Variants in ASTN2 observed in about 807,000 individuals in gnomAD.
ASTN2 encodes the protein astrotactin-2.
In ASTN2, 54 loss-of-function variants were observed where a neutral mutation model predicts 139.8. The ratio of observed to expected loss-of-function variants is 0.39; its 90% confidence interval spans 0.31 to 0.48. The LOEUF (loss-of-function observed/expected upper bound fraction) is 0.48. ASTN2 is among the 20% of genes least tolerant of loss of function. The pLI, the probability that ASTN2 is intolerant of heterozygous loss-of-function variation, is 0.95. For synonymous variants in ASTN2, 756 were observed against 719.5 expected (o/e 1.05, Z -0.81); for missense variants, 1,565 against 1,725.1 (o/e 0.91, Z 1.64).
Position 116,480,435 on chromosome 9 carries a change from A to T in ASTN2, c.3497+6924T>A, listed in dbSNP as rs546877524. Reference sequence around the variant, plus strand: ...CCACATTGACTTGAAAATTTGTTCAAATAATTCGACAAAGATTTATTGGAT... The same window carrying T: ...CCACATTGACTTGAAAATTTGTTCATATAATTCGACAAAGATTTATTGGAT... On this transcript the variant is annotated intron_variant, in intron 20 of 22. Transcript: ENST00000313400. 4.6e-5 allele frequency among the ~76,000 whole-genome samples: 7 copies of T among 152,338 alleles called. No homozygotes were observed. In the East Asian group the frequency reaches 1.4e-3, roughly 29 times the overall value.
At position 117,285,733 on chromosome 9, in the gene ASTN2, C is replaced by T. The variant is rs114184641; in HGVS notation, c.630+5593G>A. ...AACTTCTTGATTCGGCCTACTCCAC[C>T]GATGGATAGCTCAGACACTTTGAAG... On this transcript the variant is annotated intron_variant, in intron 2 of 22. Transcript: ENST00000313400. 3.0e-3 allele frequency among the ~76,000 whole-genome samples: 451 copies of T among 152,304 alleles called. 1 individual carries two copies. The highest frequency in any genetic ancestry group is 0.01 in the African/African-American group (420 of 41,564).
rs113468592 is a variant in ASTN2 at position 116,843,511 on chromosome 9, T to C, written c.2040+20072A>G. On this transcript the variant is annotated intron_variant, in intron 11 of 22. Transcript: ENST00000313400. ...CATCTCTACTAAAAATACAACAAAT[T>C]AGCCAGGGGTGGTGGCGGGCACCTG... 2.5e-4 allele frequency among the ~76,000 whole-genome samples: 38 copies of C among 149,750 alleles called. 2 individuals carry two copies. The highest frequency in any genetic ancestry group is 9.3e-4 in the African/African-American group (38 of 41,036).
At chr9:117,348,552 C>T (rs1461365104) in intron 1 of ASTN2, among the ~76,000 whole-genome samples, 1 of 152,042 alleles carries the variant, frequency 6.6e-6, no homozygotes, top group Admixed American at 6.6e-5. Context: ...TAAAGTTGCT[C>T]GGAGCCTATT....
At chr9:116,479,963 C>A (rs1354970131) in intron 20 of ASTN2, among the ~76,000 whole-genome samples, 1 of 152,144 alleles carries the variant, frequency 6.6e-6, no homozygotes, top group Non-Finnish European at 1.5e-5. Flanking sequence ...AGTTACCTAA[C>A]CTCTCTGTGC....
chr9:116,628,036 A>C (rs563322771), intron 17 of ASTN2, among the ~76,000 whole-genome samples: 3 of 152,330 alleles, frequency 2.0e-5, no homozygotes, highest in Admixed American at 2.0e-4. Context: ...TATGCTTTGA[A>C]ATATAAAGCC....
intron 16 of ASTN2, among the ~76,000 whole-genome samples, chr9:116,686,033 C>A (rs983630183): frequency 1.3e-5 from 2 of 152,134 alleles, no homozygotes; most frequent in African/African-American, 4.8e-5. Context: ...TTTGGCATTA[C>A]CTCTCCCTTA....
chr9:117,388,908 C>T (rs1830472808), intron 1 of ASTN2, among the ~76,000 whole-genome samples: 1 of 152,212 alleles, frequency 6.6e-6, no homozygotes, highest in Non-Finnish European at 1.5e-5. Context: ...AGTCACTCCT[C>T]ATTGACCATA....
intron 16 of ASTN2, among the ~76,000 whole-genome samples, chr9:116,654,006 AAAG>A (rs1318892785): frequency 8.5e-5 from 13 of 152,250 alleles, no homozygotes; most frequent in Admixed American, 3.3e-4. Flanking sequence ...AGACCTTTCA[AAAG>A]AAGATGATGA....
At chr9:116,917,164 C>T (rs558873013) in intron 10 of ASTN2, among the ~76,000 whole-genome samples, 1 of 152,180 alleles carries the variant, frequency 6.6e-6, no homozygotes, top group East Asian at 1.9e-4. Context: ...TACTCCTGCT[C>T]ATCCTGTAGA....
Position 117,052,476 on chromosome 9 carries a change from A to G in ASTN2, c.1277-12511T>C, listed in dbSNP as rs551354166. 2.6e-5 allele frequency among the ~76,000 whole-genome samples: 4 copies of G among 152,152 alleles called. No homozygotes were observed. The South Asian group carries it at 8.3e-4, about 31-fold the overall frequency. ...AGAAAGAAAGATTAAATAATTAAAT[A>G]GCATGACATGCACTGCATAGCAGAA... On this transcript the variant is annotated intron_variant, in intron 5 of 22. Coordinates refer to ENST00000313400, the MANE Select transcript of ASTN2 (RefSeq NM_001365068.1).
chr9:117,024,692 G>A (rs563609878), intron 6 of ASTN2, among the ~76,000 whole-genome samples: 3 of 151,994 alleles, frequency 2.0e-5, no homozygotes, highest in South Asian at 2.1e-4. Context: ...TCCTACAAAC[G>A]GTCACACTTG....
intron 1 of ASTN2, among the ~76,000 whole-genome samples, chr9:117,340,979 G>A (rs942607773): frequency 6.6e-6 from 1 of 152,158 alleles, no homozygotes; most frequent in Non-Finnish European, 1.5e-5. Flanking sequence ...CTAGGAGGAG[G>A]CCCTGCTCTT....
At chr9:116,857,259 T>G (rs907786902) in intron 11 of ASTN2, among the ~76,000 whole-genome samples, 1 of 152,206 alleles carries the variant, frequency 6.6e-6, no homozygotes, top group Non-Finnish European at 1.5e-5. Context: ...TAGGCATTAA[T>G]TGCCATGAAC....
At chr9:117,363,316 A>G (rs1829744564) in intron 1 of ASTN2, among the ~76,000 whole-genome samples, 1 of 152,190 alleles carries the variant, frequency 6.6e-6, no homozygotes, top group South Asian at 2.1e-4. Flanking sequence ...ACAGAAAGAG[A>G]AATAAAACAA....
chr9:116,632,252 G>GAAAGAAAGAAGGAAAGAAAGAAA (rs1856833378), intron 17 of ASTN2, among the ~76,000 whole-genome samples: 2 of 70,928 alleles, frequency 2.8e-5, no homozygotes, highest in Admixed American at 1.4e-4. Context: ...AAAGAAAGAA[G>GAAAGAAAGAAGGAAAGAAAGAAA]GAAAGAAAGA....
At chr9:116,708,255 CAGT>C (rs1224728188) in intron 16 of ASTN2, among the ~76,000 whole-genome samples, 1 of 152,190 alleles carries the variant, frequency 6.6e-6, no homozygotes, top group African/African-American at 2.4e-5. Flanking sequence ...TGGCATCTCA[CAGT>C]AGATTATTGC....
At chr9:117,231,969 G>T (rs1264052021) in intron 2 of ASTN2, among the ~76,000 whole-genome samples, 1 of 152,082 alleles carries the variant, frequency 6.6e-6, no homozygotes, top group Non-Finnish European at 1.5e-5. Context: ...TGCTTTTCAG[G>T]GCCCTGCACT....
intron 10 of ASTN2, among the ~76,000 whole-genome samples, chr9:116,927,748 A>T (rs1336947908): frequency 1.3e-5 from 2 of 152,206 alleles, no homozygotes; most frequent in Admixed American, 6.5e-5. Flanking sequence ...GGTGGGGGGA[A>T]ATTTTCTGAT....
intron 17 of ASTN2, among the ~76,000 whole-genome samples, chr9:116,644,724 T>C (rs1273171455): frequency 3.3e-5 from 5 of 152,218 alleles, no homozygotes; most frequent in Admixed American, 6.5e-5. Flanking sequence ...GTGCAAGATA[T>C]GTATATCTTT....
Sources: gnomAD v4.1 joint callset for allele counts (sites outside exome capture counted in the v4.1 genomes callset) on GRCh38, gnomAD v4.1.1 for gene constraint, MANE v1.5 for transcripts, NCBI Gene and HGNC (gene_info 2026-07-23, HGNC 2026-07-21) for gene names.